The following XKR4 variants were observed in gnomAD, a reference collection of about 807,000 sequenced individuals.
XKR4 encodes the protein XK-related protein 4.
XKR4 carries 12 observed loss-of-function variants against 53.9 expected under a neutral mutation model. That is an observed-to-expected ratio of 0.22 (90% CI 0.14 to 0.36). The LOEUF (loss-of-function observed/expected upper bound fraction) is 0.36, where lower values mean the gene tolerates loss of function less well. XKR4 is among the 10% of genes least tolerant of loss of function. The pLI is 1.00. For synonymous variants in XKR4, 354 were observed against 362.4 expected, an observed-to-expected ratio of 0.98 and a Z score of 0.26; for missense variants, 799 against 859.5, an observed-to-expected ratio of 0.93 and a Z score of 0.88.
At chr8:55,389,789 G>A (rs1174982085) in intron 2 of XKR4, among the ~76,000 whole-genome samples, 1 of 152,148 alleles carries the variant, frequency 6.6e-6, no homozygotes, top group Non-Finnish European at 1.5e-5. Context: ...CTGTCTTTAA[G>A]TCCCTGGCAA....
intron 2 of XKR4, among the ~76,000 whole-genome samples, chr8:55,387,852 A>C (rs999372076): frequency 5.3e-4 from 81 of 152,280 alleles, no homozygotes; most frequent in Non-Finnish European, 3.1e-4. Flanking sequence ...ATGGAGCCCC[A>C]TCTCTGTTCC....
intron 1 of XKR4, among the ~76,000 whole-genome samples, chr8:55,258,268 G>T (rs189371765): frequency 2.4e-3 from 360 of 152,312 alleles, no homozygotes; most frequent in Non-Finnish European, 4.0e-3. Flanking sequence ...AGAGAGGTTT[G>T]GGTGCATCCT....
At chr8:55,463,171 C>G (rs1481421340) in intron 2 of XKR4, among the ~76,000 whole-genome samples, 1 of 152,176 alleles carries the variant, frequency 6.6e-6, no homozygotes, top group African/African-American at 2.4e-5. Flanking sequence ...ACAGAATATA[C>G]ATTCTTTTCA....
intron 2 of XKR4, 72 bp from the exon 3 acceptor site, chr8:55,523,209 G>C: frequency 7.3e-7 from 1 of 1,369,630 alleles, no homozygotes; most frequent in Non-Finnish European, 9.9e-7. Flanking sequence ...CAAGCCCCCA[G>C]CTCTGTGTGA....
chr8:55,305,969 G>C (rs1238849373), intron 1 of XKR4, among the ~76,000 whole-genome samples: 1 of 152,144 alleles, frequency 6.6e-6, no homozygotes, highest in Non-Finnish European at 1.5e-5. Context: ...AAGAAATGTA[G>C]GTAAATTGTT....
intron 1 of XKR4, among the ~76,000 whole-genome samples, chr8:55,294,872 AT>A (rs1157422256): frequency 1.1e-4 from 17 of 152,306 alleles, no homozygotes; most frequent in Non-Finnish European, 2.4e-4. Flanking sequence ...ACCTCAGGAT[AT>A]GAGTAGGGAA....
chr8:55,121,553 A>C (rs1351979012), intron 1 of XKR4, among the ~76,000 whole-genome samples: 1 of 152,192 alleles, frequency 6.6e-6, no homozygotes, highest in Admixed American at 6.6e-5. Flanking sequence ...TAAAATAATA[A>C]AAATTTAAAT....
intron 1 of XKR4, among the ~76,000 whole-genome samples, chr8:55,264,632 T>A (rs953861948): frequency 2.6e-5 from 4 of 152,234 alleles, no homozygotes; most frequent in Non-Finnish European, 5.9e-5. Flanking sequence ...TAATTTTAAC[T>A]AAGAAATCAT....
At chr8:55,296,928 G>T (rs1464664486) in intron 1 of XKR4, among the ~76,000 whole-genome samples, 6 of 152,084 alleles carry the variant, frequency 3.9e-5, no homozygotes, top group Admixed American at 2.6e-4. Flanking sequence ...ATACATTTGG[G>T]TTCTTATTTC....
chr8:55,322,052 C>G (rs1482041065), intron 1 of XKR4, among the ~76,000 whole-genome samples: 2 of 152,162 alleles, frequency 1.3e-5, no homozygotes. Flanking sequence ...TCCTTCCTGA[C>G]TTTCCCCAAT....
chr8:55,347,456 CA>C (rs1397910460), intron 1 of XKR4, among the ~76,000 whole-genome samples: 1 of 152,096 alleles, frequency 6.6e-6, no homozygotes, highest in African/African-American at 2.4e-5. Flanking sequence ...ATCACAAAGT[CA>C]AGATGTTGTT....
chr8:55,273,509 T>C (rs1818722726), intron 1 of XKR4, among the ~76,000 whole-genome samples: 1 of 152,208 alleles, frequency 6.6e-6, no homozygotes, highest in East Asian at 1.9e-4. Context: ...GTCATGTAGC[T>C]TGAGTGTACA....
At chr8:55,305,886 C>A (rs1819290571) in intron 1 of XKR4, among the ~76,000 whole-genome samples, 1 of 152,092 alleles carries the variant, frequency 6.6e-6, no homozygotes, top group Non-Finnish European at 1.5e-5. Flanking sequence ...AATTAGATAT[C>A]AAAAGCTTTA....
chr8:55,285,375 G>T (rs1818894319), intron 1 of XKR4, among the ~76,000 whole-genome samples: 1 of 152,088 alleles, frequency 6.6e-6, no homozygotes, highest in African/African-American at 2.4e-5. Context: ...AATTCCTAAA[G>T]TTAAGAGATG....
At chr8:55,392,931 A>G (rs1463429631) in intron 2 of XKR4, among the ~76,000 whole-genome samples, 1 of 152,210 alleles carries the variant, frequency 6.6e-6, no homozygotes, top group Non-Finnish European at 1.5e-5. Flanking sequence ...AGAAGTAAGC[A>G]TTTATCTTGC....
intron 1 of XKR4, among the ~76,000 whole-genome samples, chr8:55,123,417 T>A (rs1228162832): frequency 6.6e-6 from 1 of 152,192 alleles, no homozygotes. Flanking sequence ...CCTTGTTGAG[T>A]TTAGCAGCTG....
chr8:55,406,780 T>C (rs1030729142), intron 2 of XKR4, among the ~76,000 whole-genome samples: 5 of 152,232 alleles, frequency 3.3e-5, no homozygotes, highest in Non-Finnish European at 5.9e-5. Flanking sequence ...ATATGTTATC[T>C]GATGCATATG....
At chr8:55,312,297 A>G (rs538313969) in intron 1 of XKR4, among the ~76,000 whole-genome samples, 1 of 152,334 alleles carries the variant, frequency 6.6e-6, no homozygotes, top group East Asian at 1.9e-4. Flanking sequence ...TTAATAAAAT[A>G]TAATAACAAA....
At chr8:55,106,511 T>G (rs1319036157) in intron 1 of XKR4, among the ~76,000 whole-genome samples, 2 of 152,176 alleles carry the variant, frequency 1.3e-5, no homozygotes, top group African/African-American at 2.4e-5. Context: ...GAAAGTACTT[T>G]CCTTTCTTAT....
Sources: allele counts gnomAD v4.1 joint callset (sites outside exome capture counted in the v4.1 genomes callset), GRCh38; gene constraint gnomAD v4.1.1; transcripts MANE v1.5; gene names NCBI Gene and HGNC (gene_info 2026-07-23, HGNC 2026-07-21).